PDZD2: variants seen among roughly 807,000 people sequenced by gnomAD.
The protein encoded by PDZD2 is PDZ domain containing 2, also known as PDZ domain-containing protein 2.
Under a neutral mutation model 220.7 loss-of-function variants are expected in PDZD2, and 90 were observed. The ratio of observed to expected loss-of-function variants is 0.41; its 90% CI spans 0.34 to 0.49. The LOEUF (loss-of-function observed/expected upper bound fraction) is 0.49. Ranked by LOEUF, PDZD2 falls within the 20% of genes least tolerant of loss-of-function variation. PDZD2 has a pLI of 0.28. For missense variants in PDZD2, 3,174 were observed against 3,608.5 expected, an observed-to-expected ratio of 0.88 and a Z score of 3.08; for synonymous variants, 1,375 against 1,450.5, an observed-to-expected ratio of 0.95 and a Z score of 1.18.
intron 23 of PDZD2, 57 bp from the exon 24 acceptor site, chr5:32,101,048 C>A: frequency 6.2e-7 from 1 of 1,608,774 alleles, no homozygotes; most frequent in Non-Finnish European, 8.5e-7. Context: ...GGGACTTGGA[C>A]ATGTGGCATG....
At chr5:31,801,066 G>A (rs1345297061) in intron 2 of PDZD2, among the ~76,000 whole-genome samples, 8 of 152,232 alleles carry the variant, frequency 5.3e-5, no homozygotes, top group Admixed American at 5.2e-4. Context: ...AGTGCAGGGT[G>A]GAGAAGAATG....
chr5:31,742,393 T>G (rs994203534), intron 1 of PDZD2: 1 of 149,298 alleles, frequency 6.7e-6, no homozygotes, highest in Admixed American at 6.9e-5. Flanking sequence ...TAAGAGATAT[T>G]ATGTTTGAAA....
intron 2 of PDZD2, among the ~76,000 whole-genome samples, chr5:31,856,729 C>A (rs1423612794): frequency 6.6e-6 from 1 of 152,040 alleles, no homozygotes; most frequent in African/African-American, 2.4e-5. Context: ...TGCACTGTTT[C>A]CTGGGACATC....
At chr5:31,760,482 G>A (rs1161801470) in intron 1 of PDZD2, among the ~76,000 whole-genome samples, 1 of 152,180 alleles carries the variant, frequency 6.6e-6, no homozygotes, top group African/African-American at 2.4e-5. Context: ...GGGAGAAAGT[G>A]GGATTCGAGG....
intron 2 of PDZD2, among the ~76,000 whole-genome samples, chr5:31,963,811 C>T (rs982457447): frequency 1.3e-5 from 2 of 152,140 alleles, no homozygotes; most frequent in Non-Finnish European, 2.9e-5. Flanking sequence ...CAGTTAGCCC[C>T]ACTCTGTGCT....
intron 2 of PDZD2, among the ~76,000 whole-genome samples, chr5:31,842,899 G>A (rs1757393049): frequency 6.6e-6 from 1 of 150,652 alleles, no homozygotes; most frequent in Non-Finnish European, 1.5e-5. Flanking sequence ...TTTCTTTTTT[G>A]AGATGGAGTT....
chr5:31,664,439 C>T (rs111581078), intron 1 of PDZD2, among the ~76,000 whole-genome samples: 6 of 148,474 alleles, frequency 4.0e-5, no homozygotes, highest in South Asian at 4.5e-4. Flanking sequence ...CAGACACATG[C>T]GCATGCATGC....
intron 1 of PDZD2, among the ~76,000 whole-genome samples, chr5:31,704,673 C>T (rs1188469622): frequency 6.6e-6 from 1 of 151,984 alleles, no homozygotes; most frequent in Non-Finnish European, 1.5e-5. Context: ...TGCCTTTTTC[C>T]CCATGCTAAA....
At chr5:31,922,623 T>C in intron 2 of PDZD2, among the ~76,000 whole-genome samples, 1 of 152,182 alleles carries the variant, frequency 6.6e-6, no homozygotes, top group Non-Finnish European at 1.5e-5. Flanking sequence ...CGGTAACTAC[T>C]CTGAAAGACA....
chr5:31,994,182 T>C (rs150417976), intron 3 of PDZD2, among the ~76,000 whole-genome samples: 2,767 of 151,936 alleles, frequency 0.018, 90 homozygotes, highest in African/African-American at 0.062. Flanking sequence ...CACGCCTGGC[T>C]AATTTTTTTA....
chr5:31,689,333 A>ATG, intron 1 of PDZD2, among the ~76,000 whole-genome samples: 2 of 50,496 alleles, frequency 4.0e-5, no homozygotes, highest in African/African-American at 3.0e-4. Context: ...ATATATACAT[A>ATG]TACATATATA....
chr5:31,862,087 TG>T (rs1418320823), intron 2 of PDZD2, among the ~76,000 whole-genome samples: 2 of 146,492 alleles, frequency 1.4e-5, no homozygotes, highest in East Asian at 4.0e-4. Flanking sequence ...ATAGACTCAA[TG>T]TTTTTTTTTT....
chr5:31,857,991 A>G (rs979231873), intron 2 of PDZD2, among the ~76,000 whole-genome samples: 2 of 151,950 alleles, frequency 1.3e-5, no homozygotes, highest in African/African-American at 4.8e-5. Context: ...ACACCCAGCT[A>G]ATTTTTGTAT....
At chr5:32,049,204 T>C (rs1738274147) in intron 8 of PDZD2, among the ~76,000 whole-genome samples, 1 of 152,078 alleles carries the variant, frequency 6.6e-6, no homozygotes, top group South Asian at 2.1e-4. Flanking sequence ...CAGAACCTGC[T>C]CCCGTCTGAG....
intron 24 of PDZD2, among the ~76,000 whole-genome samples, chr5:32,102,324 C>G (rs541324056): frequency 6.6e-6 from 1 of 151,962 alleles, no homozygotes; most frequent in Non-Finnish European, 1.5e-5. Context: ...GGGCTCAGCA[C>G]CCCTGTGGGC....
chr5:31,940,961 C>T (rs979727624), intron 2 of PDZD2, among the ~76,000 whole-genome samples: 1 of 150,080 alleles, frequency 6.7e-6, no homozygotes, highest in African/African-American at 2.4e-5. Context: ...GCCCCCCCAC[C>T]AAAAAAAAAG....
At chr5:31,985,102 A>C (rs1750609721) in intron 3 of PDZD2, among the ~76,000 whole-genome samples, 4 of 125,048 alleles carry the variant, frequency 3.2e-5, no homozygotes, top group Admixed American at 1.6e-4. Context: ...AAGTTCCCCC[A>C]AAAAGGATTA....
intron 3 of PDZD2, among the ~76,000 whole-genome samples, chr5:31,989,424 T>TTTTTTTTTTTTTTTTTTTTAATTTATTTA (rs1429240437): frequency 7.3e-6 from 1 of 136,686 alleles, no homozygotes; most frequent in African/African-American, 2.9e-5. Context: ...TTCTTTTCTT[T>TTTTTTTTTTTTTTTTTTTTAATTTATTTA]TTTTTTTTTT....
At chr5:31,950,213 A>C (rs2111605034) in intron 2 of PDZD2, among the ~76,000 whole-genome samples, 1 of 152,288 alleles carries the variant, frequency 6.6e-6, no homozygotes, top group East Asian at 1.9e-4. Context: ...CTGTGGGATC[A>C]GATTCTGATC....
Sources: allele counts gnomAD v4.1 joint callset (sites outside exome capture counted in the v4.1 genomes callset), GRCh38; gene constraint gnomAD v4.1.1; transcripts MANE v1.5; gene names NCBI Gene and HGNC (gene_info 2026-07-23, HGNC 2026-07-21).